Variants in SPATA1 observed in about 807,000 individuals in gnomAD.
SPATA1 encodes spermatogenesis associated 1.
A neutral mutation model predicts 59.6 loss-of-function variants in SPATA1; 57 were observed. That is an observed-to-expected ratio of 0.96 (90% CI 0.77 to 1.19). The LOEUF is 1.19. Among genes scored for constraint, SPATA1 ranks in the 50% most tolerant of loss-of-function variants. The pLI is 0.00. For synonymous variants in SPATA1, 147 were observed against 163.9 expected (o/e 0.90, Z 0.79); for missense variants, 448 against 480.7 (o/e 0.93, Z 0.64).
At chr1:84,545,466 C>A (rs1469210512) in intron 9 of SPATA1, among the ~76,000 whole-genome samples, 168 bp from the exon 10 acceptor site, 1 of 151,892 alleles carries the variant, frequency 6.6e-6, no homozygotes, top group Non-Finnish European at 1.5e-5. Flanking sequence ...GAAATGACTC[C>A]TTTGCATTTT....
At chr1:84,565,653 G>GA (rs1488649452) in intron 4 of SPATA1, among the ~76,000 whole-genome samples, 1 of 152,090 alleles carries the variant, frequency 6.6e-6, no homozygotes, top group Non-Finnish European at 1.5e-5. Flanking sequence ...AGAATTAAGT[G>GA]AAAATCAAAA....
intron 8 of SPATA1, among the ~76,000 whole-genome samples, chr1:84,542,751 G>A (rs1431718932): frequency 6.6e-6 from 1 of 151,974 alleles, no homozygotes; most frequent in East Asian, 1.9e-4. Flanking sequence ...TTCTTTTTAT[G>A]GTAGTTTGGA....
At chr1:84,567,211 C>T (rs1684716075), downstream of SPATA1, among the ~76,000 whole-genome samples, 1 of 152,120 alleles carries the variant, frequency 6.6e-6, no homozygotes, top group Admixed American at 6.5e-5. Context: ...TGAATATTAG[C>T]ACTTTATAAT....
intron 8 of SPATA1, among the ~76,000 whole-genome samples, chr1:84,536,641 T>C (rs969434067): frequency 1.1e-4 from 17 of 151,954 alleles, no homozygotes; most frequent in Non-Finnish European, 2.2e-4. Context: ...AGACGGTGTT[T>C]CACCGTGTTA....
chr1:84,563,526 C>T, intron 4 of SPATA1: 2 of 808,206 alleles, frequency 2.5e-6, no homozygotes, highest in Non-Finnish European at 3.5e-6. Context: ...CCATAGAAAA[C>T]CTGACTATAC....
chr1:84,522,680 C>T (rs1352254177), intron 4 of SPATA1, among the ~76,000 whole-genome samples, 173 bp downstream of exon 4: 1 of 152,036 alleles, frequency 6.6e-6, no homozygotes, highest in Non-Finnish European at 1.5e-5. Flanking sequence ...GTTGCATAGG[C>T]ATGTTATTGG....
chr1:84,537,085 G>A (rs867036708), intron 8 of SPATA1, among the ~76,000 whole-genome samples: 97 of 147,518 alleles, frequency 6.6e-4, no homozygotes, highest in African/African-American at 2.3e-3. Flanking sequence ...TCACCATCTT[G>A]GCCAGGCTGG....
intron 10 of SPATA1, among the ~76,000 whole-genome samples, chr1:84,546,788 A>C (rs1684101017): frequency 6.6e-6 from 1 of 152,028 alleles, no homozygotes; most frequent in South Asian, 2.1e-4. Flanking sequence ...TTCTGTACTT[A>C]ATTTTTTGAT....
chr1:84,546,044 T>C lies in SPATA1; in HGVS notation c.946+285T>C, dbSNP rs151263475. Among the ~76,000 whole-genome samples, 31 of 152,324 alleles carry C rather than the reference T, an allele frequency of 2.0e-4. No individual in the cohort carries two copies. The East Asian group carries it at 3.3e-3, about 16-fold the overall frequency. On this transcript the variant is annotated intron_variant, in intron 10 of 12. Transcript: ENST00000490879. ...CTTCTATTCATTTATCAAATGCCTA[T>C]TGAATCTGGCCACTATTCTAGGGGC...
exon 6 of SPATA1, chr1:84,525,994 G>A: frequency 6.2e-7 from 1 of 1,613,598 alleles, no homozygotes; most frequent in Non-Finnish European, 8.5e-7. Flanking sequence ...GTGTAACTTT[G>A]TTCAAGGAGG....
At chr1:84,534,708 T>C (rs374736777) in intron 8 of SPATA1, among the ~76,000 whole-genome samples, 1 of 152,152 alleles carries the variant, frequency 6.6e-6, no homozygotes, top group Non-Finnish European at 1.5e-5. Context: ...TGTTAATTCA[T>C]TTAATTCAAC....
At chr1:84,519,767 T>G (rs1682943117) in intron 2 of SPATA1, among the ~76,000 whole-genome samples, 1 of 152,152 alleles carries the variant, frequency 6.6e-6, no homozygotes, top group South Asian at 2.1e-4. Context: ...TATTTTTATC[T>G]CCTATGAAAT....
chr1:84,513,783 TA>T (rs1427524361), intron 1 of SPATA1, among the ~76,000 whole-genome samples: 2 of 152,134 alleles, frequency 1.3e-5, no homozygotes, highest in Non-Finnish European at 2.9e-5. Flanking sequence ...AGCTTTCCCA[TA>T]ACATGGGCTT....
intron 12 of SPATA1, 130 bp downstream of exon 12, chr1:84,550,660 C>A: frequency 5.7e-6 from 7 of 1,235,538 alleles, no homozygotes; most frequent in Non-Finnish European, 4.1e-6. Flanking sequence ...GTTACCTTAA[C>A]AGTAAAGAGC....
In SPATA1 at chr1:84,564,343, C is replaced by T. The variant is rs959822745; in HGVS notation, n.443-1518C>T. ...AAACAAAGAGAAAAATGAACAAATCCCTGGAACTATCAGTCCTTTTCTTGC... is the reference window on the plus strand; with the variant it reads ...AAACAAAGAGAAAAATGAACAAATCTCTGGAACTATCAGTCCTTTTCTTGC... On this transcript the variant is annotated intron_variant and non_coding_transcript_variant, in intron 4 of 4. Transcript: ENST00000460286. Among the ~76,000 whole-genome samples the T allele has an allele frequency of 3.3e-5, 5 of 152,052 alleles. No individual in the cohort carries two copies. In the East Asian group the frequency reaches 5.8e-4, roughly 18 times the overall value.
chr1:84,536,236 A>G (rs1683676472), intron 8 of SPATA1, among the ~76,000 whole-genome samples: 1 of 152,228 alleles, frequency 6.6e-6, no homozygotes, highest in Admixed American at 6.5e-5. Context: ...ATATGGATAC[A>G]CTTATCAGAG....
rs1404372317 is a variant in SPATA1, at chr1:84,565,979, T to C, written n.561T>C. ...GTATAATTATAGCATCTTCTGTCTA[T>C]GTTCTTTGGAGACCAAGCTACATCA... is the stretch of plus-strand genomic sequence containing the variant. On this transcript the variant is annotated non_coding_transcript_exon_variant, in exon 5 of 5. Transcript: ENST00000460286. 4.4e-6 allele frequency: 7 copies of C among 1,574,520 alleles called. No homozygotes were observed. In the South Asian group the frequency reaches 8.5e-5, roughly 19 times the overall value.
At position 84,510,831 on chromosome 1, in the gene SPATA1, A is replaced by C. The variant is rs192128139; in HGVS notation, c.-138+4413A>C. Reference sequence around the variant, plus strand: ...ATAAACAATGGAGTACCGTTCCGCCATAAAAAAGAATGAGATCATCTCATT... The same window carrying C: ...ATAAACAATGGAGTACCGTTCCGCCCTAAAAAAGAATGAGATCATCTCATT... On this transcript the variant is annotated intron_variant, in intron 1 of 12. Transcript: ENST00000490879. Among the ~76,000 whole-genome samples the C allele has an allele frequency of 1.6e-4, 25 of 152,378 alleles. No homozygotes were observed. In the East Asian group the frequency reaches 2.1e-3, roughly 13 times the overall value.
chr1:84,549,450 C>T lies in SPATA1; in HGVS notation c.1125+486C>T, dbSNP rs1408633949. ...CTGGGACAGGGTCCATTTCCTGACTCTATGGGAAAGAGGCAAATACCTGAT... is the reference window on the plus strand; with the variant it reads ...CTGGGACAGGGTCCATTTCCTGACTTTATGGGAAAGAGGCAAATACCTGAT... On this transcript the variant is annotated intron_variant, in intron 11 of 12. Coordinates refer to ENST00000490879, the Ensembl canonical transcript of SPATA1. 2.6e-5 allele frequency among the ~76,000 whole-genome samples: 4 copies of T among 152,080 alleles called. No individual in the cohort carries two copies. The East Asian group carries it at 7.7e-4, about 29-fold the overall frequency.
Sources: allele counts gnomAD v4.1 joint callset (sites outside exome capture counted in the v4.1 genomes callset), GRCh38; gene constraint gnomAD v4.1.1; transcripts MANE v1.5; gene names NCBI Gene and HGNC (gene_info 2026-07-23, HGNC 2026-07-21).